The following LRRK1 variants were observed in gnomAD, a reference collection of about 807,000 sequenced individuals.
LRRK1 encodes leucine-rich repeat serine/threonine-protein kinase 1.
Under a neutral mutation model 209.1 loss-of-function variants are expected in LRRK1, and 113 were observed. That is an observed-to-expected ratio of 0.54 (90% confidence interval 0.46 to 0.63). LRRK1 has a LOEUF of 0.63. Among genes scored for constraint, LRRK1 ranks in the 30% least tolerant of loss-of-function variants. The pLI is 0.00. For missense variants in LRRK1, 2,284 were observed against 2,632.2 expected, an observed-to-expected ratio of 0.87 and a Z score of 2.89; for synonymous variants, 1,144 against 1,099.7, an observed-to-expected ratio of 1.04 and a Z score of -0.80.
chr15:101,067,421 A>AT (rs1555483706), intron 33 of LRRK1: 1 of 295,598 alleles, frequency 3.4e-6, no homozygotes, highest in Non-Finnish European at 7.0e-6. Flanking sequence ...CTCAGTTCAA[A>AT]TGTGTGTGTG....
At position 100,951,040 on chromosome 15, in the gene LRRK1, T is replaced by C. The variant is rs1029570372; in HGVS notation, c.98-22764T>C. ...ATGGCGTGAACCCGGGAGGCGGAGC[T>C]TGCAGGGAGCAGAGGTTGCGCCACC... On this transcript the variant is annotated intron_variant, in intron 2 of 33. Transcript: ENST00000388948. 1.7e-4 allele frequency among the ~76,000 whole-genome samples: 26 copies of C among 152,190 alleles called. 1 individual carries two copies. The highest frequency in any genetic ancestry group is 1.4e-3 in the Admixed American group (22 of 15,286).
Position 101,061,215 on chromosome 15 carries a change from AGAG to A in LRRK1, c.4727_4729del (p.Arg1576del). 1 of 1,614,188 alleles carries A rather than the reference AGAG, an allele frequency of 6.2e-7. No individual in the cohort carries two copies. The highest frequency in any genetic ancestry group is 8.5e-7 in the Non-Finnish European group (1 of 1,180,018). ...ACAGAGAAGGGCCTCATGGAGGTGCAGAGGATGTGCTGCCCTGGGATGAAGGTG... is the reference window on the plus strand; with the variant it reads ...ACAGAGAAGGGCCTCATGGAGGTGCAGATGTGCTGCCCTGGGATGAAGGTG... On this transcript the variant is annotated inframe_deletion, in exon 30 of 34. Transcript: ENST00000388948.
chr15:101,007,256 G>A (rs2033004147), intron 6 of LRRK1, among the ~76,000 whole-genome samples: 1 of 152,130 alleles, frequency 6.6e-6, no homozygotes, highest in Admixed American at 6.5e-5. Flanking sequence ...TCCCATTTGC[G>A]AAGCACTAAT....
At chr15:100,928,861 G>A (rs560804631) in intron 2 of LRRK1, among the ~76,000 whole-genome samples, 4 of 152,202 alleles carry the variant, frequency 2.6e-5, no homozygotes, top group East Asian at 3.9e-4. Flanking sequence ...CTGCCCTGCC[G>A]TGCGGCCCGC....
At chr15:101,016,007 T>C (rs1437387802) in intron 12 of LRRK1, among the ~76,000 whole-genome samples, 6 of 151,084 alleles carry the variant, frequency 4.0e-5, no homozygotes, top group Non-Finnish European at 7.4e-5. Context: ...TTTTTTTCTT[T>C]GAGACTGAGT....
Position 101,070,304 on chromosome 15 carries a change from C to CA in LRRK1, c.*1457dup, listed in dbSNP as rs1381752452. On this transcript the variant is annotated 3_prime_UTR_variant, in exon 34 of 34. Transcript: ENST00000388948. ...CAGGCTTGGAAAAAGCGAGTCCCCC[C>CA]ACTCTTTTTTTTTTTTTTTTTTTTT... is the stretch of plus-strand genomic sequence containing the variant. 1.4e-5 allele frequency: 2 copies of CA among 145,886 alleles called. No individual in the cohort carries two copies. The highest frequency in any genetic ancestry group is 5.2e-5 in the African/African-American group (2 of 38,572). The allele number at this position is 145,886 out of a possible 1,614,324, so 9.0% of individuals were successfully genotyped here. A position where few individuals can be genotyped will look rare whatever the true frequency, so the allele number is the denominator to read the frequency against.
intron 20 of LRRK1, among the ~76,000 whole-genome samples, chr15:101,031,309 C>A (rs1396616483): frequency 2.0e-5 from 3 of 152,228 alleles, no homozygotes; most frequent in African/African-American, 4.8e-5. Context: ...TGACTTCCAG[C>A]ACCAGAGCCT....
In LRRK1 at chr15:101,021,966, T is replaced by G. The variant is rs1305540993; in HGVS notation, c.1852+9T>G. On this transcript the variant is annotated intron_variant, in intron 14 of 33. Transcript: ENST00000388948. Reference sequence around the variant, plus strand: ...AGAAATCCAAAAAGAAGGTAGGGCTTCCGCAGCCCTGTCCCCTGCCATCAC... The same window carrying G: ...AGAAATCCAAAAAGAAGGTAGGGCTGCCGCAGCCCTGTCCCCTGCCATCAC... 1 of 1,574,240 alleles carries G rather than the reference T, an allele frequency of 6.4e-7. No individual in the cohort carries two copies. Among genetic ancestry groups the G allele is most frequent in the East Asian group, 2.2e-5 (1 of 44,670 alleles).
At chr15:101,056,475 G>A (rs1004517112) in intron 27 of LRRK1, among the ~76,000 whole-genome samples, 1 of 152,148 alleles carries the variant, frequency 6.6e-6, no homozygotes. Context: ...ACAATATGGT[G>A]GGAAGTCAGA....
intron 33 of LRRK1, 88 bp from the exon 34 acceptor site, chr15:101,068,583 G>A (rs990425353): frequency 1.6e-5 from 22 of 1,399,000 alleles, no homozygotes; most frequent in Non-Finnish European, 1.8e-5. Context: ...AGCCAGCTCC[G>A]CCTTCCTCAG....
At chr15:101,040,348 A>C (rs2034689887) in intron 20 of LRRK1, among the ~76,000 whole-genome samples, 1 of 151,968 alleles carries the variant, frequency 6.6e-6, no homozygotes, top group Non-Finnish European at 1.5e-5. Context: ...TATTTAAAAT[A>C]TCTCTGGAAT....
chr15:101,063,111 C>T (rs775801536), intron 31 of LRRK1, among the ~76,000 whole-genome samples: 4 of 151,944 alleles, frequency 2.6e-5, no homozygotes, highest in Non-Finnish European at 4.4e-5. Flanking sequence ...TCCATCTCTG[C>T]CTCCCGCCAA....
At chr15:100,972,556 A>C (rs1197346923) in intron 2 of LRRK1, among the ~76,000 whole-genome samples, 1 of 152,096 alleles carries the variant, frequency 6.6e-6, no homozygotes, top group Non-Finnish European at 1.5e-5. Flanking sequence ...GGGTAAAGCT[A>C]GTTTTAAAGT....
In LRRK1 at chr15:100,983,425, A is replaced by T; in HGVS notation, c.262-103A>T. ...CAGGTGCTGCCGTTCTGGACAACAC[A>T]ACTCCAGTCCTGCTCCGGGACCTGG... On this transcript the variant is annotated intron_variant, in intron 3 of 33. Transcript: ENST00000388948. 4.5e-6 allele frequency: 5 copies of T among 1,114,132 alleles called. No homozygotes were observed. In the South Asian group the frequency reaches 9.3e-5, roughly 21 times the overall value. The allele number at this position is 1,114,132 out of a possible 1,614,324, so 69.0% of individuals were successfully genotyped here.
intron 22 of LRRK1, chr15:101,049,399 G>A (rs2141127806): frequency 2.3e-6 from 1 of 442,532 alleles, no homozygotes; most frequent in East Asian, 3.9e-5. Flanking sequence ...CTGAGGGTCA[G>A]CTCCCAGGCT....
chr15:101,036,171 A>T (rs1759817417), intron 20 of LRRK1, among the ~76,000 whole-genome samples: 1 of 152,218 alleles, frequency 6.6e-6, no homozygotes, highest in Non-Finnish European at 1.5e-5. Flanking sequence ...ATTTTGTTAA[A>T]TAGGTTTTCC....
rs1054882649 is a variant in LRRK1 at position 101,072,198 on chromosome 15, C to T, written c.*3350C>T. On this transcript the variant is annotated 3_prime_UTR_variant, in exon 34 of 34. Transcript: ENST00000388948. ...GACTTATCTACCAAAATTTCAAATG[C>T]ACATACCCTCTGACCCAGCAGTTCC... The T allele has an allele frequency of 4.6e-5, 7 of 152,206 alleles. No homozygotes were observed. The highest frequency in any genetic ancestry group is 4.6e-4 in the Admixed American group (7 of 15,280). The allele number at this position is 152,206 out of a possible 1,614,324, so 9.4% of individuals were successfully genotyped here. A position where few individuals can be genotyped will look rare whatever the true frequency, so the allele number is the denominator to read the frequency against.
intron 2 of LRRK1, among the ~76,000 whole-genome samples, chr15:100,930,010 C>G (rs941142524): frequency 6.6e-6 from 1 of 152,208 alleles, no homozygotes; most frequent in Non-Finnish European, 1.5e-5. Context: ...TTTGAACATT[C>G]GTTTTAACCT....
intron 1 of LRRK1, among the ~76,000 whole-genome samples, chr15:100,920,466 C>G (rs557745856): frequency 6.6e-6 from 1 of 152,294 alleles, no homozygotes; most frequent in African/African-American, 2.4e-5. Flanking sequence ...AATAATATAA[C>G]AAACTAACCT....
Sources: allele counts gnomAD v4.1 joint callset (sites outside exome capture counted in the v4.1 genomes callset), GRCh38; gene constraint gnomAD v4.1.1; transcripts MANE v1.5; gene names NCBI Gene and HGNC (gene_info 2026-07-23, HGNC 2026-07-21).